The following PDSS1 variants were observed in gnomAD, a reference collection of about 807,000 sequenced individuals.
PDSS1 encodes the protein decaprenyl diphosphate synthase subunit 1.
In PDSS1, 43 loss-of-function variants were observed where a neutral mutation model predicts 57.5. That is an observed-to-expected ratio of 0.75 (90% CI 0.59 to 0.96). PDSS1 has a LOEUF of 0.96. Ranked by LOEUF, PDSS1 falls within the 50% of genes least tolerant of loss-of-function variation. PDSS1 has a pLI of 0.00. For missense variants in PDSS1, 438 were observed against 527.8 expected, an observed-to-expected ratio of 0.83 and a Z score of 1.67; for synonymous variants, 175 against 191.3, an observed-to-expected ratio of 0.91 and a Z score of 0.70.
chr10:26,723,921 C>G lies in PDSS1; in HGVS notation c.721+4C>G, dbSNP rs570270874. Reference sequence around the variant, plus strand: ...GTTATTGAAGATTTGGTGCGTGGTACGTTGATTCTGATTTTTCTTCTTTGT... The same window carrying G: ...GTTATTGAAGATTTGGTGCGTGGTAGGTTGATTCTGATTTTTCTTCTTTGT... On this transcript the variant is annotated splice_donor_region_variant and intron_variant, in intron 7 of 11. Transcript: ENST00000376215. 2 of 1,599,270 alleles carry G rather than the reference C, an allele frequency of 1.3e-6. No homozygotes were observed. The highest frequency in any genetic ancestry group is 1.7e-6 in the Non-Finnish European group (2 of 1,166,578).
chr10:26,742,945 G>C (rs1836682188), intron 11 of PDSS1, among the ~76,000 whole-genome samples: 1 of 152,146 alleles, frequency 6.6e-6, no homozygotes, highest in African/African-American at 2.4e-5. Context: ...CTCGGCTCCA[G>C]CCTCATCCAT....
chr10:26,715,861 A>G (rs977668249), intron 5 of PDSS1: 1 of 152,182 alleles, frequency 6.6e-6, no homozygotes, highest in Non-Finnish European at 1.5e-5. Context: ...AAGATTCAGA[A>G]GCTCTTGTAA....
chr10:26,746,537 A>C lies in PDSS1; in HGVS notation c.*64A>C, dbSNP rs531449591. The C allele has an allele frequency of 2.6e-6, 4 of 1,558,146 alleles. No homozygotes were observed. In the African/African-American group the frequency reaches 4.1e-5, roughly 16 times the overall value. On this transcript the variant is annotated 3_prime_UTR_variant, in exon 12 of 12. Coordinates refer to ENST00000376215, the MANE Select transcript of PDSS1 (RefSeq NM_014317.5). Reference sequence around the variant, plus strand: ...CTGTGCCTAAAGAATTTTGTGGAATACACTTTGTTTGCTTCATGTGCAGAT... The same window carrying C: ...CTGTGCCTAAAGAATTTTGTGGAATCCACTTTGTTTGCTTCATGTGCAGAT...
Position 26,723,789 on chromosome 10 carries a change from C to T in PDSS1, c.610-17C>T, listed in dbSNP as rs775936912. ...GGATTTTTCAGAACGTTCTGTTTTC[C>T]CCCTGTCTTTTTCTAGGCTGTTCTT... is the stretch of plus-strand genomic sequence containing the variant. On this transcript the variant is annotated splice_polypyrimidine_tract_variant and intron_variant, in intron 6 of 11. Transcript: ENST00000376215. 2.6e-6 allele frequency: 4 copies of T among 1,540,524 alleles called. No homozygotes were observed. The highest frequency in any genetic ancestry group is 2.2e-5 in the East Asian group (1 of 44,522).
chr10:26,709,662 C>T lies in PDSS1; in HGVS notation c.361C>T (p.Leu121Phe). The change falls in exon 5 of 12, where the codon CTT becomes TTT. Residue 121 changes from leucine (L) to phenylalanine (F), a missense_variant. Around this residue, in one of 2 missense-constraint regions of PDSS1, gnomAD observed 284 missense variants for 390.7 expected, o/e 0.73. Transcript: ENST00000376215. ...RKELLISTSE[L>F]KEMSEYYFDG... ...GGAACTGCTTATATCAACATCAGAA[C>T]TTAAGGAAATGTCTGAGTACTACTT... The T allele has an allele frequency of 6.2e-7, 1 of 1,613,288 alleles. No homozygotes were observed. The highest frequency in any genetic ancestry group is 8.5e-7 in the Non-Finnish European group (1 of 1,179,330).
intron 11 of PDSS1, 119 bp downstream of exon 11, chr10:26,742,696 C>G: frequency 1.4e-6 from 1 of 699,692 alleles, no homozygotes; most frequent in Non-Finnish European, 2.6e-6. Flanking sequence ...TTGGTCAACT[C>G]TTGATGTGAC....
chr10:26,746,621 T>C lies in PDSS1; in HGVS notation c.*148T>C. ...TTGATGGGCAATTTATTTTTTTTTA[T>C]TGCAAAAGTTTTTTCAGAAAACTTT... On this transcript the variant is annotated 3_prime_UTR_variant, in exon 12 of 12. Transcript: ENST00000376215. 2.4e-6 allele frequency: 2 copies of C among 821,928 alleles called. No homozygotes were observed. Among genetic ancestry groups the C allele is most frequent in the Non-Finnish European group, 1.9e-6 (1 of 519,814 alleles). The allele number at this position is 821,928 out of a possible 1,614,324, so 50.9% of individuals were successfully genotyped here.
intron 6 of PDSS1, among the ~76,000 whole-genome samples, chr10:26,723,277 C>A (rs576980415): frequency 6.6e-6 from 1 of 152,260 alleles, no homozygotes. Context: ...GGGGGCAGAA[C>A]TTTTTGAGCA....
rs753411855 is a variant in PDSS1 at position 26,720,332 on chromosome 10, A to G, written c.582A>G (p.Thr194=). ...DDASSRRGKH[T]VNKIWGEKKA... ...CAAGTTCTCGAAGAGGAAAACACAC[A>G]GTTAATAAGATCTGGGGTGAAAAGA... The change falls in exon 6 of 12, where the codon ACA becomes ACG. Residue 194 remains threonine (T), a synonymous_variant. Transcript: ENST00000376215. 11 of 1,613,410 alleles carry G rather than the reference A, an allele frequency of 6.8e-6. No homozygotes were observed. The highest frequency in any genetic ancestry group is 9.3e-6 in the Non-Finnish European group (11 of 1,179,286).
At position 26,704,740 on chromosome 10, in the gene PDSS1, C is replaced by G. The variant is rs767853330; in HGVS notation, c.226C>G (p.Arg76Gly). ...SACPNVCRIS[R>G]FHHTTPDSKT... ...CTGTCCAAATGTATGTCGTATATCACGGTAAGTTTACAGTCCATACTGCAA... is the reference window on the plus strand; with the variant it reads ...CTGTCCAAATGTATGTCGTATATCAGGGTAAGTTTACAGTCCATACTGCAA... The change falls in exon 3 of 12, where the codon CGG becomes GGG. Residue 76 changes from arginine to glycine, a missense_variant and splice_region_variant. Physicochemically the swap from Arg to Gly is moderately radical, Grantham distance 125 (BLOSUM62 -2). Transcript: ENST00000376215. The G allele has an allele frequency of 7.1e-7, 1 of 1,404,244 alleles. No individual in the cohort carries two copies. The highest frequency in any genetic ancestry group is 1.0e-6 in the Non-Finnish European group (1 of 989,314). The allele number at this position is 1,404,244 out of a possible 1,614,324, so 87.0% of individuals were successfully genotyped here.
intron 8 of PDSS1, among the ~76,000 whole-genome samples, chr10:26,730,631 AAT>A (rs1251125640): frequency 8.3e-4 from 126 of 152,216 alleles, no homozygotes; most frequent in African/African-American, 2.8e-3. Context: ...TAATAAAAAA[AAT>A]AAAAGACATT....
At chr10:26,724,580 T>C (rs796974897) in intron 8 of PDSS1, among the ~76,000 whole-genome samples, 15 of 152,202 alleles carry the variant, frequency 9.9e-5, no homozygotes, top group African/African-American at 3.4e-4. Context: ...TTTTTTTGTT[T>C]TTTGTGTTTT....
intron 8 of PDSS1, among the ~76,000 whole-genome samples, chr10:26,733,891 T>C (rs1249312675): frequency 1.3e-5 from 2 of 152,084 alleles, no homozygotes; most frequent in African/African-American, 4.8e-5. Flanking sequence ...GAAGGAACCC[T>C]TGAGCCCAGG....
chr10:26,705,105 G>C lies in PDSS1; in HGVS notation c.228-181G>C, dbSNP rs528255706. Among the ~76,000 whole-genome samples the C allele has an allele frequency of 2.0e-4, 30 of 152,170 alleles. No individual in the cohort carries two copies. In the South Asian group the frequency reaches 5.6e-3, roughly 28 times the overall value. Reference sequence around the variant, plus strand: ...GCCCTATTTATAAAAGTGATCTATTGATCTGTCATTTAGCAAGAATAGAAT... The same window carrying C: ...GCCCTATTTATAAAAGTGATCTATTCATCTGTCATTTAGCAAGAATAGAAT... On this transcript the variant is annotated intron_variant, in intron 3 of 11. Coordinates refer to ENST00000376215, the MANE Select transcript of PDSS1 (RefSeq NM_014317.5).
rs1389937127 is a variant in PDSS1, at chr10:26,712,496, G to A, written c.467+2728G>A. Among the ~76,000 whole-genome samples, 8 of 99,400 alleles carry A rather than the reference G, an allele frequency of 8.0e-5. 2 individuals are homozygous for A. In the East Asian group the frequency reaches 9.9e-4, roughly 12 times the overall value. The allele number at this position is 99,400 out of a possible 152,430, so 65.2% of individuals were successfully genotyped here. A position where few individuals can be genotyped will look rare whatever the true frequency, so the allele number is the denominator to read the frequency against. ...GGGCTTAGGAAAGTCACAGTGCAGA[G>A]ACAGCGTCCGGCATGGGGACAAGTC... is the stretch of plus-strand genomic sequence containing the variant. On this transcript the variant is annotated intron_variant, in intron 5 of 11. Coordinates refer to ENST00000376215, the MANE Select transcript of PDSS1 (RefSeq NM_014317.5).
chr10:26,706,755 G>A (rs1340936313), intron 4 of PDSS1, among the ~76,000 whole-genome samples: 1 of 152,014 alleles, frequency 6.6e-6, no homozygotes, highest in East Asian at 1.9e-4. Flanking sequence ...TCTGAAGCTG[G>A]TTTTGCTTGG....
intron 5 of PDSS1, among the ~76,000 whole-genome samples, chr10:26,717,334 T>C (rs2477300): frequency 0.87 from 131,758 of 152,162 alleles, 57,083 homozygotes; most frequent in East Asian, 0.92. Context: ...CAGGTTCAAG[T>C]GATTCTCCTG....
intron 5 of PDSS1, among the ~76,000 whole-genome samples, chr10:26,711,040 A>C (rs1188555202): frequency 1.0e-5 from 1 of 98,740 alleles, no homozygotes; most frequent in African/African-American, 3.3e-5. Flanking sequence ...GCTGGGGCAG[A>C]GTCATGCACT....
chr10:26,728,818 A>C (rs1836061897), intron 8 of PDSS1, among the ~76,000 whole-genome samples: 1 of 115,180 alleles, frequency 8.7e-6, no homozygotes, highest in Non-Finnish European at 1.6e-5. Flanking sequence ...TCACTCTGTC[A>C]CCCACGCTGG....
Sources: gnomAD v4.1 joint callset for allele counts (sites outside exome capture counted in the v4.1 genomes callset) on GRCh38, gnomAD v4.1.1 for gene constraint, gnomAD v4.1.1 regional missense constraint, MANE v1.5 for transcripts, NCBI Gene and HGNC (gene_info 2026-07-23, HGNC 2026-07-21) for gene names.